Variants in ROBO2 observed in about 807,000 individuals in gnomAD.
The protein encoded by ROBO2 is roundabout guidance receptor 2, also known as roundabout homolog 2.
Under a neutral mutation model 160.8 loss-of-function variants are expected in ROBO2, and 53 were observed. The observed-to-expected ratio is 0.33, with a 90% CI of 0.26 to 0.41. The LOEUF is 0.41. Among genes scored for constraint, ROBO2 ranks in the 10% least tolerant of loss-of-function variants. ROBO2 has a pLI of 1.00. For synonymous variants in ROBO2, 664 were observed against 611.7 expected, an observed-to-expected ratio of 1.09 and a Z score of -1.26; for missense variants, 1,577 against 1,722.4, an observed-to-expected ratio of 0.92 and a Z score of 1.49.
chr3:76,369,416 A>T (rs878895679), intron 2 of ROBO2, among the ~76,000 whole-genome samples: 5 of 151,958 alleles, frequency 3.3e-5, no homozygotes, highest in Non-Finnish European at 7.4e-5. Flanking sequence ...TCATTCTGCA[A>T]TATCTCCTTG....
chr3:76,239,007 G>C (rs1705129281), intron 2 of ROBO2, among the ~76,000 whole-genome samples: 10 of 152,162 alleles, frequency 6.6e-5, no homozygotes, highest in Admixed American at 6.5e-4. Context: ...AGCAGCATTG[G>C]TATCAACTGA....
chr3:76,184,739 A>G (rs1359324033), intron 2 of ROBO2, among the ~76,000 whole-genome samples: 1 of 152,058 alleles, frequency 6.6e-6, no homozygotes, highest in African/African-American at 2.4e-5. Flanking sequence ...CAATGCTGTA[A>G]TTCTCAGCCC....
chr3:76,207,847 G>T (rs577051275), intron 2 of ROBO2, among the ~76,000 whole-genome samples: 1 of 152,298 alleles, frequency 6.6e-6, no homozygotes, highest in African/African-American at 2.4e-5. Context: ...ATATGGTTTA[G>T]ATCTGTGTCC....
chr3:76,468,490 C>T (rs2078477976), intron 2 of ROBO2, among the ~76,000 whole-genome samples: 1 of 152,082 alleles, frequency 6.6e-6, no homozygotes, highest in Non-Finnish European at 1.5e-5. Context: ...TGCCCCTCCC[C>T]TTTATAGCCA....
At chr3:76,815,936 A>G (rs2065630154) in intron 2 of ROBO2, among the ~76,000 whole-genome samples, 1 of 152,134 alleles carries the variant, frequency 6.6e-6, no homozygotes, top group South Asian at 2.1e-4. Context: ...GCAAAGACAC[A>G]TTAGGGGAGT....
chr3:76,015,882 G>T (rs1444653032), intron 2 of ROBO2, among the ~76,000 whole-genome samples: 1 of 152,110 alleles, frequency 6.6e-6, no homozygotes, highest in Non-Finnish European at 1.5e-5. Flanking sequence ...CTGTTCTCAA[G>T]CTTAAAAATC....
intron 2 of ROBO2, among the ~76,000 whole-genome samples, chr3:76,256,194 C>T (rs1706349592): frequency 6.6e-6 from 1 of 151,842 alleles, no homozygotes; most frequent in African/African-American, 2.4e-5. Flanking sequence ...CTTGTAGTCC[C>T]AGCTGCTAGG....
At chr3:76,528,870 T>C (rs75297466) in intron 2 of ROBO2, among the ~76,000 whole-genome samples, 4,706 of 152,136 alleles carry the variant, frequency 0.031, 236 homozygotes, top group African/African-American at 0.11. Context: ...AGAGGCAAAA[T>C]GCAAAGTGCA....
chr3:76,368,376 G>T (rs1489006456), intron 2 of ROBO2, among the ~76,000 whole-genome samples: 4 of 151,886 alleles, frequency 2.6e-5, no homozygotes, highest in Non-Finnish European at 4.4e-5. Context: ...TGTGGGTAAG[G>T]ATTCAGCTGG....
chr3:77,060,439 T>G (rs1236768651), intron 1 of ROBO2, among the ~76,000 whole-genome samples: 1 of 152,218 alleles, frequency 6.6e-6, no homozygotes, highest in Non-Finnish European at 1.5e-5. Flanking sequence ...TTCATTGATA[T>G]TTACCTAATT....
chr3:77,409,577 G>A (rs1404206916), intron 2 of ROBO2, among the ~76,000 whole-genome samples: 1 of 151,938 alleles, frequency 6.6e-6, no homozygotes, highest in Non-Finnish European at 1.5e-5. Context: ...TACATGCGCC[G>A]GCTTTATGAG....
At chr3:77,351,204 C>T (rs1437807813) in intron 2 of ROBO2, among the ~76,000 whole-genome samples, 1 of 151,904 alleles carries the variant, frequency 6.6e-6, no homozygotes, top group African/African-American at 2.4e-5. Flanking sequence ...TTCTGTTGTA[C>T]TATAGTCAGA....
chr3:76,242,672 G>A (rs1052654309), intron 2 of ROBO2, among the ~76,000 whole-genome samples: 2 of 152,096 alleles, frequency 1.3e-5, no homozygotes, highest in African/African-American at 4.8e-5. Flanking sequence ...GATTGCTTGA[G>A]CCCTGGAATC....
intron 2 of ROBO2, among the ~76,000 whole-genome samples, chr3:76,026,990 G>T (rs561702347): frequency 6.6e-6 from 1 of 151,876 alleles, no homozygotes; most frequent in Non-Finnish European, 1.5e-5. Flanking sequence ...TGAGGACTGC[G>T]CTGGGACAAT....
At position 76,075,512 on chromosome 3, in the gene ROBO2, A is replaced by C. The variant is rs144068732; in HGVS notation, c.109+137910A>C. Among the ~76,000 whole-genome samples, 1,439 of 151,374 alleles carry C rather than the reference A, an allele frequency of 9.5e-3. 27 individuals carry two copies. The highest frequency in any genetic ancestry group is 0.034 in the African/African-American group (1,383 of 41,168). On this transcript the variant is annotated intron_variant, in intron 2 of 26. Coordinates refer to the ROBO2 transcript ENST00000487694. ...TAGGGTTCCTGTTTTCCATATAACA[A>C]GTGTCAAAAAGCATAGATGTGCTAT...
At chr3:76,284,842 T>G (rs767786841) in intron 2 of ROBO2, among the ~76,000 whole-genome samples, 2 of 152,242 alleles carry the variant, frequency 1.3e-5, no homozygotes, top group South Asian at 4.1e-4. Flanking sequence ...TGCGATGGTG[T>G]TGTGGTGGTA....
In ROBO2 at chr3:76,660,915, A is replaced by G. The variant is rs138402708; in HGVS notation, c.110-437099A>G. The stretch of plus-strand genomic sequence containing the variant: ...GTTTTCTCTAATGTATGTAGCCTAT[A>G]TATCTATAGGTAGAAAAATGAGGAT... On this transcript the variant is annotated intron_variant, in intron 2 of 26. Coordinates refer to the ROBO2 transcript ENST00000487694. Among the ~76,000 whole-genome samples, 220 of 152,256 alleles carry G rather than the reference A, an allele frequency of 1.4e-3. 2 individuals are homozygous for G. Among genetic ancestry groups the G allele is most frequent in the African/African-American group, 4.9e-3 (205 of 41,534 alleles).
intron 2 of ROBO2, among the ~76,000 whole-genome samples, chr3:77,245,989 C>T (rs1242245331): frequency 1.3e-5 from 2 of 152,108 alleles, no homozygotes; most frequent in Non-Finnish European, 2.9e-5. Context: ...CTGATTAAAT[C>T]AGAATTAAGT....
chr3:77,557,260 A>G (rs1030449698), intron 8 of ROBO2, among the ~76,000 whole-genome samples: 1 of 151,992 alleles, frequency 6.6e-6, no homozygotes, highest in African/African-American at 2.4e-5. Flanking sequence ...TTGCACAAGC[A>G]CTGTTTTTGT....
Sources: allele counts gnomAD v4.1 joint callset (sites outside exome capture counted in the v4.1 genomes callset), GRCh38; gene constraint gnomAD v4.1.1; transcripts MANE v1.5; gene names NCBI Gene and HGNC (gene_info 2026-07-23, HGNC 2026-07-21).